CENPI: variants seen among roughly 807,000 people sequenced by gnomAD.
CENPI encodes the protein FSH primary response 1.
CENPI carries 4 observed loss-of-function variants against 60.4 expected under a neutral mutation model. The ratio of observed to expected loss-of-function variants is 0.07; its 90% confidence interval spans 0.03 to 0.15. The LOEUF (loss-of-function observed/expected upper bound fraction) is 0.15, where lower values mean the gene tolerates loss of function less well. Among genes scored for constraint, CENPI ranks in the 10% least tolerant of loss-of-function variants. CENPI has a pLI of 1.00. For missense variants in CENPI, 444 were observed against 534.5 expected (o/e 0.83, Z 1.67); for synonymous variants, 157 against 189.4 (o/e 0.83, Z 1.40).
intron 20 of CENPI, among the ~76,000 whole-genome samples, chrX:101,158,271 G>A (rs1304245513): frequency 2.1e-5 from 2 of 93,454 alleles, no homozygotes; most frequent in Non-Finnish European, 4.1e-5. Context: ...GGGCAGTATG[G>A]CTTTTTTTTT....
At position 101,122,966 on chromosome X, in the gene CENPI, A is replaced by T. The variant is rs138357663; in HGVS notation, c.687+2182A>T. Among the ~76,000 whole-genome samples the T allele has an allele frequency of 7.6e-4, 86 of 112,734 alleles. No homozygotes were observed. The East Asian group carries it at 0.021, about 28-fold the overall frequency. ...GTTCAAGTAAAAAATGATTTATGAG[A>T]TGATTGTCTAAAAATTTATAACGGA... On this transcript the variant is annotated intron_variant, in intron 8 of 21. Coordinates refer to ENST00000682095, the MANE Select transcript of CENPI (RefSeq NM_001386188.2).
rs188139384 is a variant in CENPI, at chrX:101,143,409, C to T, written c.1566-1655C>T. On this transcript the variant is annotated intron_variant, in intron 16 of 21. Transcript: ENST00000682095. ...CATAGGTACTGTAAGAGACTCCATTCATTGATCCAGGGAGAATATAAAATA... is the reference window on the plus strand; with the variant it reads ...CATAGGTACTGTAAGAGACTCCATTTATTGATCCAGGGAGAATATAAAATA... Among the ~76,000 whole-genome samples, 164 of 111,524 alleles carry T rather than the reference C, an allele frequency of 1.5e-3. 1 individual carries two copies. Among genetic ancestry groups the T allele is most frequent in the African/African-American group, 4.8e-3 (148 of 30,744 alleles).
At chrX:101,173,011 ATTTT>A in the CENPI span, among the ~76,000 whole-genome samples, 2 of 68,693 alleles carry the variant, frequency 2.9e-5, no homozygotes, top group African/African-American at 6.1e-5. Flanking sequence ...AGTTGTAGGA[ATTTT>A]TTTTTTTTTT....
At position 101,142,741 on chromosome X, in the gene CENPI, G is replaced by A. The variant is rs185061284; in HGVS notation, c.1565+1981G>A. On this transcript the variant is annotated intron_variant, in intron 16 of 21. Coordinates refer to ENST00000682095, the MANE Select transcript of CENPI (RefSeq NM_001386188.2). ...TCAAAAGAGGCTGTTCTGAGCAATCGTCTTTGTTTCAAATTATTTCAGACA... is the reference window on the plus strand; with the variant it reads ...TCAAAAGAGGCTGTTCTGAGCAATCATCTTTGTTTCAAATTATTTCAGACA... Among the ~76,000 whole-genome samples, 8 of 111,482 alleles carry A rather than the reference G, an allele frequency of 7.2e-5. No homozygotes were observed. In the East Asian group the frequency reaches 2.3e-3, roughly 31 times the overall value.
intron 20 of CENPI, among the ~76,000 whole-genome samples, chrX:101,160,027 T>C (rs5966737): frequency 0.055 from 6,188 of 112,156 alleles, 486 homozygotes; most frequent in African/African-American, 0.19. Context: ...GTGAGTAGTA[T>C]ATTCATCAAT....
intron 13 of CENPI, among the ~76,000 whole-genome samples, 159 bp from the exon 14 acceptor site, chrX:101,132,031 G>A (rs2089800326): frequency 9.0e-6 from 1 of 111,540 alleles, no homozygotes; most frequent in Admixed American, 9.6e-5. Context: ...TCCTTTTTCT[G>A]AGGAAGTCTG....
At chrX:101,123,176 C>G (rs991673965) in intron 8 of CENPI, among the ~76,000 whole-genome samples, 17 of 112,173 alleles carry the variant, frequency 1.5e-4, no homozygotes, top group Middle Eastern at 9.3e-3. Flanking sequence ...CATATGTAAC[C>G]TAACATGCAT....
At chrX:101,173,561 T>G in the CENPI span, among the ~76,000 whole-genome samples, 1 of 109,821 alleles carries the variant, frequency 9.1e-6, no homozygotes, top group African/African-American at 3.3e-5. Flanking sequence ...AAATGGTAAT[T>G]TATGTAGAAA....
At chrX:101,156,285 C>T (rs761801086) in intron 20 of CENPI, among the ~76,000 whole-genome samples, 35 of 111,486 alleles carry the variant, frequency 3.1e-4, no homozygotes, top group African/African-American at 1.0e-3. Context: ...GCTGGGATTA[C>T]AGGTGTGAGC....
intron 6 of CENPI, among the ~76,000 whole-genome samples, chrX:101,116,139 T>C (rs1486703107): frequency 8.9e-6 from 1 of 111,792 alleles, no homozygotes; most frequent in Non-Finnish European, 1.9e-5. Flanking sequence ...ATAAAAAATA[T>C]AGTGTAATAA....
At chrX:101,118,843 G>T (rs1417924135) in intron 6 of CENPI, among the ~76,000 whole-genome samples, 1 of 111,733 alleles carries the variant, frequency 8.9e-6, no homozygotes, top group African/African-American at 3.2e-5. Context: ...TATTCTCTGT[G>T]TAGTATATGG....
intron 16 of CENPI, among the ~76,000 whole-genome samples, chrX:101,144,016 A>T (rs1470006370): frequency 2.8e-5 from 3 of 107,764 alleles, no homozygotes; most frequent in Non-Finnish European, 3.8e-5. Context: ...GGGATAAATT[A>T]GTTCTCATTT....
chrX:101,140,623 C>A (rs763317850), intron 15 of CENPI, 43 bp from the exon 16 acceptor site: 1 of 949,078 alleles, frequency 1.1e-6, no homozygotes. Flanking sequence ...ACTGTTATGT[C>A]TGAATGATTT....
chrX:101,145,135 C>G lies in CENPI; in HGVS notation c.1637C>G (p.Thr546Ser). 6.6e-6 allele frequency: 8 copies of G among 1,203,804 alleles called. No homozygotes were observed. Among genetic ancestry groups the G allele is most frequent in the Non-Finnish European group, 7.9e-6 (7 of 888,371 alleles). The change falls in exon 17 of 22, where the codon ACT becomes AGT. Residue 546 changes from threonine (T) to serine (S), a missense_variant. Thr to Ser is a moderately conservative substitution (Grantham distance 58). Coordinates refer to ENST00000682095, the MANE Select transcript of CENPI (RefSeq NM_001386188.2). ...LIHYVGWLST[T>S]AMRLESNNTF... Reference sequence around the variant, plus strand: ...CACTATGTAGGGTGGCTATCCACTACTGCAATGCGCTTGGAGAGCAACAAT... The same window carrying G: ...CACTATGTAGGGTGGCTATCCACTAGTGCAATGCGCTTGGAGAGCAACAAT...
chrX:101,099,152 C>T (rs1050816744), intron 2 of CENPI, among the ~76,000 whole-genome samples: 78 of 110,389 alleles, frequency 7.1e-4, no homozygotes, highest in African/African-American at 2.3e-3. Flanking sequence ...TTGGGCCAGG[C>T]GTGGTGGCTC....
intron 9 of CENPI, 26 bp from the exon 10 acceptor site, chrX:101,127,112 C>T: frequency 1.8e-6 from 2 of 1,131,883 alleles, no homozygotes; most frequent in Non-Finnish European, 2.4e-6. Context: ...TACCTACTCT[C>T]TTGTACTTTA....
At chrX:101,176,461 C>T in the CENPI span, among the ~76,000 whole-genome samples, 1 of 110,524 alleles carries the variant, frequency 9.0e-6, no homozygotes, top group African/African-American at 3.3e-5. Context: ...TTTTTAATAG[C>T]CATTCTAACT....
At position 101,155,056 on chromosome X, in the gene CENPI, G is replaced by T. The variant is rs144314557; in HGVS notation, c.2095-6472G>T. Among the ~76,000 whole-genome samples, 1,071 of 110,404 alleles carry T rather than the reference G, an allele frequency of 9.7e-3. 16 individuals are homozygous for T. The highest frequency in any genetic ancestry group is 0.033 in the African/African-American group (1,003 of 30,442). ...TTTTAAATTTGAATGCCTTTTCTTT[G>T]TCTTGCTAATTGTACTGCCTAGAAC... On this transcript the variant is annotated intron_variant, in intron 20 of 21. Transcript: ENST00000682095.
At chrX:101,171,113 A>G (rs887091416), downstream of CENPI, among the ~76,000 whole-genome samples, 2 of 112,083 alleles carry the variant, frequency 1.8e-5, no homozygotes, top group Non-Finnish European at 3.8e-5. Context: ...CTACAGCGCT[A>G]TATTAATCAA....
Sources: allele counts gnomAD v4.1 joint callset (sites outside exome capture counted in the v4.1 genomes callset), GRCh38; gene constraint gnomAD v4.1.1; transcripts MANE v1.5; gene names NCBI Gene and HGNC (gene_info 2026-07-23, HGNC 2026-07-21).